The following CDH13 variants were observed in gnomAD, a reference collection of about 807,000 sequenced individuals.
The protein encoded by CDH13 is cadherin-13.
A neutral mutation model predicts 63.8 loss-of-function variants in CDH13; 24 were observed. The ratio of observed to expected loss-of-function variants is 0.38; its 90% CI spans 0.27 to 0.53. The LOEUF (loss-of-function observed/expected upper bound fraction) is 0.53, where lower values mean the gene tolerates loss of function less well. Ranked by LOEUF, CDH13 falls within the 20% of genes least tolerant of loss-of-function variation. The pLI, the probability that CDH13 is intolerant of heterozygous loss-of-function variation, is 0.85. For missense variants in CDH13, 1,049 were observed against 903.1 expected, an observed-to-expected ratio of 1.16 and a Z score of -2.07; for synonymous variants, 503 against 355.3, an observed-to-expected ratio of 1.42 and a Z score of -4.67.
intron 4 of CDH13, among the ~76,000 whole-genome samples, chr16:83,200,920 A>AGTGT (rs2039007222): frequency 8.6e-6 from 1 of 116,124 alleles, no homozygotes; most frequent in Non-Finnish European, 1.9e-5. Flanking sequence ...TAGTCTTAAA[A>AGTGT]ATGTGTGTGT....
chr16:82,651,324 C>G (rs547049894), intron 1 of CDH13, among the ~76,000 whole-genome samples: 1 of 152,298 alleles, frequency 6.6e-6, no homozygotes, highest in South Asian at 2.1e-4. Context: ...GCTGAGGAGT[C>G]TACAGCCTAT....
At chr16:83,615,282 A>G (rs1909192834) in intron 8 of CDH13, among the ~76,000 whole-genome samples, 1 of 152,090 alleles carries the variant, frequency 6.6e-6, no homozygotes, top group Non-Finnish European at 1.5e-5. Context: ...CGACCACGTA[A>G]TTACACATTC....
Position 83,387,503 on chromosome 16 carries a change from C to A in CDH13, c.781+42497C>A, listed in dbSNP as rs958748602. Among the ~76,000 whole-genome samples, 3 of 152,288 alleles carry A rather than the reference C, an allele frequency of 2.0e-5. 1 individual carries two copies. The highest frequency in any genetic ancestry group is 3.4e-3 in the Middle Eastern group (1 of 294). The stretch of plus-strand genomic sequence containing the variant: ...AAATTATACACAGAGGATTGTCATC[C>A]TGGACAGTTAAAAATTTAAAGTAAA... On this transcript the variant is annotated intron_variant, in intron 6 of 13. Transcript: ENST00000567109.
intron 5 of CDH13, among the ~76,000 whole-genome samples, chr16:83,229,532 T>C (rs1254849230): frequency 6.6e-6 from 1 of 152,156 alleles, no homozygotes; most frequent in African/African-American, 2.4e-5. Context: ...CAGTGGGCTC[T>C]CTCAAAATTT....
intron 1 of CDH13, among the ~76,000 whole-genome samples, chr16:82,656,233 G>T (rs1309445688): frequency 6.6e-6 from 1 of 151,954 alleles, no homozygotes; most frequent in Non-Finnish European, 1.5e-5. Flanking sequence ...AAAGGCACAG[G>T]GTAGAAGGAG....
At chr16:82,784,840 G>C (rs1026902585) in intron 1 of CDH13, among the ~76,000 whole-genome samples, 8 of 152,166 alleles carry the variant, frequency 5.3e-5, no homozygotes, top group Non-Finnish European at 1.2e-4. Context: ...CAGCTGAAAA[G>C]TCCTTAGGCA....
At chr16:83,202,439 CA>C (rs1346251321) in intron 4 of CDH13, among the ~76,000 whole-genome samples, 5 of 152,136 alleles carry the variant, frequency 3.3e-5, no homozygotes, top group Admixed American at 2.0e-4. Flanking sequence ...AGATTTTAAT[CA>C]GGGCATGATC....
At chr16:83,080,298 A>G (rs2033144558) in intron 3 of CDH13, among the ~76,000 whole-genome samples, 1 of 152,240 alleles carries the variant, frequency 6.6e-6, no homozygotes, top group Non-Finnish European at 1.5e-5. Flanking sequence ...GAGACTAGGA[A>G]TTCAAACCCA....
intron 6 of CDH13, among the ~76,000 whole-genome samples, chr16:83,408,043 T>C (rs991453880): frequency 4.6e-5 from 7 of 152,142 alleles, no homozygotes; most frequent in African/African-American, 1.7e-4. Context: ...CTGTGTCTCC[T>C]CCCAGCAGCA....
intron 10 of CDH13, among the ~76,000 whole-genome samples, chr16:83,683,392 G>GA (rs1487240080): frequency 6.6e-6 from 1 of 152,182 alleles, no homozygotes; most frequent in East Asian, 1.9e-4. Context: ...CTCAGACAAG[G>GA]AAATCCCTTT....
At chr16:83,724,860 G>C (rs975445291) in intron 10 of CDH13, among the ~76,000 whole-genome samples, 3 of 152,118 alleles carry the variant, frequency 2.0e-5, no homozygotes, top group Non-Finnish European at 4.4e-5. Flanking sequence ...ATGGCCTTTG[G>C]GTACAACTCT....
At chr16:83,419,728 G>A (rs1166605776) in intron 6 of CDH13, among the ~76,000 whole-genome samples, 1 of 152,182 alleles carries the variant, frequency 6.6e-6, no homozygotes, top group African/African-American at 2.4e-5. Context: ...TCCCATAAGT[G>A]TACTGGCATT....
At chr16:83,601,029 C>T (rs1286921925) in intron 7 of CDH13, among the ~76,000 whole-genome samples, 1 of 152,112 alleles carries the variant, frequency 6.6e-6, no homozygotes, top group Non-Finnish European at 1.5e-5. Flanking sequence ...ACAGAACTTC[C>T]TTCACCTAAC....
chr16:83,155,934 C>G (rs910273178), intron 4 of CDH13, among the ~76,000 whole-genome samples: 2 of 152,200 alleles, frequency 1.3e-5, no homozygotes, highest in Admixed American at 1.3e-4. Flanking sequence ...GCCAGTGACC[C>G]TGGAATCTTT....
intron 4 of CDH13, among the ~76,000 whole-genome samples, chr16:83,216,435 T>TATATATATATATATAA (rs2039528654): frequency 9.1e-6 from 1 of 110,108 alleles, no homozygotes; most frequent in Non-Finnish European, 1.8e-5. Context: ...TATATATATA[T>TATATATATATATATAA]ATATATATAC....
At chr16:83,415,250 C>T (rs145797286) in intron 6 of CDH13, among the ~76,000 whole-genome samples, 33 of 152,126 alleles carry the variant, frequency 2.2e-4, no homozygotes, top group African/African-American at 6.3e-4. Flanking sequence ...AAAGTCCGAA[C>T]GGACCCATAA....
At chr16:82,749,092 A>G (rs942047808) in intron 1 of CDH13, among the ~76,000 whole-genome samples, 15 of 151,348 alleles carry the variant, frequency 9.9e-5, no homozygotes, top group Admixed American at 7.9e-4. Flanking sequence ...GTGGGGTCCA[A>G]TTTTTTTTTC....
chr16:83,037,407 C>G (rs1916958864), intron 3 of CDH13, among the ~76,000 whole-genome samples: 1 of 152,168 alleles, frequency 6.6e-6, no homozygotes, highest in South Asian at 2.1e-4. Flanking sequence ...ACTGGGGAGG[C>G]TGCTGCCATT....
intron 10 of CDH13, among the ~76,000 whole-genome samples, chr16:83,697,230 G>A (rs919293696): frequency 6.6e-6 from 1 of 152,170 alleles, no homozygotes; most frequent in African/African-American, 2.4e-5. Flanking sequence ...CACCTGACGT[G>A]CACATTCACA....
Sources: allele counts gnomAD v4.1 joint callset (sites outside exome capture counted in the v4.1 genomes callset), GRCh38; gene constraint gnomAD v4.1.1; transcripts MANE v1.5; gene names NCBI Gene and HGNC (gene_info 2026-07-23, HGNC 2026-07-21).